The following IGFBP7 variants were observed in gnomAD, a reference collection of about 807,000 sequenced individuals.
The protein encoded by IGFBP7 is insulin like growth factor binding protein 7, also known as insulin-like growth factor-binding protein 7.
A neutral mutation model predicts 29.4 loss-of-function variants in IGFBP7; 31 were observed. That is an observed-to-expected ratio of 1.05 (90% CI 0.79 to 1.42). The LOEUF is 1.42. Ranked by LOEUF, IGFBP7 falls within the 40% of genes most tolerant of loss-of-function variation. IGFBP7 has a pLI of 0.00. For missense variants in IGFBP7, 393 were observed against 395.5 expected, an observed-to-expected ratio of 0.99 and a Z score of 0.05; for synonymous variants, 172 against 174.9, an observed-to-expected ratio of 0.98 and a Z score of 0.13.
chr4:57,052,592 G>T (rs144872255), intron 1 of IGFBP7, among the ~76,000 whole-genome samples: 2 of 152,018 alleles, frequency 1.3e-5, no homozygotes, highest in Non-Finnish European at 2.9e-5. Context: ...CACCTGGCCC[G>T]TCCCCACCCC....
chr4:57,075,055 C>T (rs1458610743), intron 1 of IGFBP7, among the ~76,000 whole-genome samples: 1 of 152,202 alleles, frequency 6.6e-6, no homozygotes, highest in Admixed American at 6.5e-5. Flanking sequence ...TCCTATTACT[C>T]AGAGCCTTCT....
chr4:57,078,665 C>T (rs4865176), intron 1 of IGFBP7, among the ~76,000 whole-genome samples: 17,547 of 148,758 alleles, frequency 0.12, 1,231 homozygotes, highest in Non-Finnish European at 0.14. Context: ...TATGCATTTC[C>T]CATTCACTTG....
At chr4:57,076,561 T>A (rs1476435699) in intron 1 of IGFBP7, among the ~76,000 whole-genome samples, 1 of 152,208 alleles carries the variant, frequency 6.6e-6, no homozygotes, top group Non-Finnish European at 1.5e-5. Flanking sequence ...TCTGTACAGA[T>A]CCGACAGTCT....
At chr4:57,092,557 T>G (rs991262396) in intron 1 of IGFBP7, among the ~76,000 whole-genome samples, 6 of 152,100 alleles carry the variant, frequency 3.9e-5, no homozygotes, top group African/African-American at 1.4e-4. Context: ...TAATTTCTAT[T>G]GTATTATTGA....
At chr4:57,085,105 T>C (rs942665363) in intron 1 of IGFBP7, among the ~76,000 whole-genome samples, 4 of 152,142 alleles carry the variant, frequency 2.6e-5, no homozygotes, top group African/African-American at 9.7e-5. Flanking sequence ...CTTTTTTCTT[T>C]TTCTTTAAAG....
chr4:57,087,442 A>G (rs1334342744), intron 1 of IGFBP7, among the ~76,000 whole-genome samples: 1 of 152,152 alleles, frequency 6.6e-6, no homozygotes, highest in South Asian at 2.1e-4. Flanking sequence ...AATACTTTAT[A>G]TTTTGCTCTG....
chr4:57,033,505 C>T (rs552873356), intron 2 of IGFBP7, among the ~76,000 whole-genome samples, 194 bp from the exon 3 acceptor site: 1 of 152,288 alleles, frequency 6.6e-6, no homozygotes, highest in South Asian at 2.1e-4. Flanking sequence ...CTGCCAGTTT[C>T]CTGCTAAGCG....
At chr4:57,104,927 G>A (rs1156847164) in intron 1 of IGFBP7, among the ~76,000 whole-genome samples, 3 of 152,342 alleles carry the variant, frequency 2.0e-5, no homozygotes, top group African/African-American at 2.4e-5. Context: ...AAACAGGAAG[G>A]TGCTTTCTTA....
chr4:57,079,336 C>T (rs1369126157), intron 1 of IGFBP7, among the ~76,000 whole-genome samples: 6 of 152,098 alleles, frequency 3.9e-5, no homozygotes, highest in Non-Finnish European at 7.4e-5. Context: ...CCATTTATCC[C>T]CCACCTTTCA....
intron 1 of IGFBP7, among the ~76,000 whole-genome samples, chr4:57,090,510 T>C (rs989043536): frequency 6.6e-6 from 1 of 152,208 alleles, no homozygotes; most frequent in African/African-American, 2.4e-5. Flanking sequence ...AAGTTCTTAA[T>C]GCTCTTCAGT....
At chr4:57,041,717 T>G (rs1724230851) in intron 1 of IGFBP7, among the ~76,000 whole-genome samples, 1 of 151,940 alleles carries the variant, frequency 6.6e-6, no homozygotes, top group Non-Finnish European at 1.5e-5. Flanking sequence ...ATTTTTTATT[T>G]TTGTAGAGAC....
chr4:57,101,848 A>G (rs1315167389), intron 1 of IGFBP7, among the ~76,000 whole-genome samples: 2 of 152,146 alleles, frequency 1.3e-5, no homozygotes, highest in South Asian at 4.1e-4. Flanking sequence ...CTATCCCCAC[A>G]TAAGAGTAAA....
In IGFBP7 at chr4:57,033,321, C is replaced by G. The variant is rs1723995118; in HGVS notation, c.586-10G>C. On this transcript the variant is annotated splice_polypyrimidine_tract_variant and intron_variant, in intron 2 of 4. Coordinates refer to ENST00000295666, the MANE Select transcript of IGFBP7 (RefSeq NM_001553.3). ...AGTGACCCCTTTTTACCTGCAAAAA[C>G]AAAAGGAGAGTAATACTGAGTTTTG... The G allele has an allele frequency of 6.4e-7, 1 of 1,574,402 alleles. No individual in the cohort carries two copies. Among genetic ancestry groups the G allele is most frequent in the African/African-American group, 1.3e-5 (1 of 74,106 alleles).
chr4:57,053,311 C>T (rs1430126290), intron 1 of IGFBP7, among the ~76,000 whole-genome samples: 2 of 151,830 alleles, frequency 1.3e-5, no homozygotes, highest in African/African-American at 4.9e-5. Context: ...GCCACCGCAC[C>T]TGGCCCTTGA....
At chr4:57,056,102 C>T (rs1713961) in intron 1 of IGFBP7, among the ~76,000 whole-genome samples, 126,645 of 151,862 alleles carry the variant, frequency 0.83, 53,200 homozygotes, top group East Asian at 0.97. Context: ...CTGAGCTCCT[C>T]CTGCTCTTTC....
At chr4:57,056,059 A>C (rs1413892740) in intron 1 of IGFBP7, among the ~76,000 whole-genome samples, 1 of 151,836 alleles carries the variant, frequency 6.6e-6, no homozygotes, top group East Asian at 1.9e-4. Flanking sequence ...ACTCCCTGGC[A>C]GACAACCCCA....
chr4:57,084,788 G>GATTT (rs71657252), intron 1 of IGFBP7, among the ~76,000 whole-genome samples: 1 of 113,104 alleles, frequency 8.8e-6, no homozygotes, highest in Non-Finnish European at 1.7e-5. Context: ...TTTAAAAAAG[G>GATTT]TTTTTTTTTT....
intron 1 of IGFBP7, among the ~76,000 whole-genome samples, chr4:57,053,646 C>A (rs982477043): frequency 1.2e-4 from 19 of 152,150 alleles, no homozygotes; most frequent in Non-Finnish European, 2.5e-4. Flanking sequence ...GGAATACCTA[C>A]ACTATCATCC....
At chr4:57,032,837 G>T (rs1723972436) in intron 3 of IGFBP7, among the ~76,000 whole-genome samples, 1 of 152,192 alleles carries the variant, frequency 6.6e-6, no homozygotes, top group South Asian at 2.1e-4. Flanking sequence ...CTTGATAAGG[G>T]TATATGATCA....
Sources: gnomAD v4.1 joint callset for allele counts (sites outside exome capture counted in the v4.1 genomes callset) on GRCh38, gnomAD v4.1.1 for gene constraint, MANE v1.5 for transcripts, NCBI Gene and HGNC (gene_info 2026-07-23, HGNC 2026-07-21) for gene names.